HLF: variants seen among roughly 807,000 people sequenced by gnomAD.
HLF encodes the protein hepatic leukemia factor.
HLF carries 3 observed loss-of-function variants against 22.6 expected under a neutral mutation model. That is an observed-to-expected ratio of 0.13 (90% confidence interval 0.06 to 0.34). The LOEUF is 0.34. HLF is among the 10% of genes least tolerant of loss of function. HLF has a pLI of 1.00. For missense variants in HLF, 299 were observed against 389.2 expected, an observed-to-expected ratio of 0.77 and a Z score of 1.95; for synonymous variants, 151 against 151.8, an observed-to-expected ratio of 0.99 and a Z score of 0.04.
At chr17:55,270,897 C>T (rs374562782) in intron 2 of HLF, among the ~76,000 whole-genome samples, 1 of 152,170 alleles carries the variant, frequency 6.6e-6, no homozygotes, top group Non-Finnish European at 1.5e-5. Context: ...CCGCCTCGGC[C>T]TCCCAAAGTG....
chr17:55,297,173 C>T (rs2145342040), intron 2 of HLF, among the ~76,000 whole-genome samples: 1 of 152,192 alleles, frequency 6.6e-6, no homozygotes, highest in Non-Finnish European at 1.5e-5. Flanking sequence ...AACATTAATC[C>T]ATCTTTATTA....
intron 2 of HLF, among the ~76,000 whole-genome samples, chr17:55,312,761 C>T (rs1295059412): frequency 2.6e-5 from 4 of 152,106 alleles, no homozygotes; most frequent in Non-Finnish European, 4.4e-5. Context: ...TTACACATTC[C>T]TGTATTTGTT....
chr17:55,279,954 C>A (rs577855958), intron 2 of HLF, among the ~76,000 whole-genome samples: 4 of 152,290 alleles, frequency 2.6e-5, no homozygotes, highest in Admixed American at 6.5e-5. Flanking sequence ...GGCCAACCCG[C>A]AAAGGTGGTG....
At chr17:55,271,238 C>T (rs1211186841) in intron 2 of HLF, among the ~76,000 whole-genome samples, 1 of 152,084 alleles carries the variant, frequency 6.6e-6, no homozygotes, top group Non-Finnish European at 1.5e-5. Flanking sequence ...ATTGGGTTGC[C>T]AAGAAGAAAT....
chr17:55,314,948 A>C (rs1490064374), intron 2 of HLF, among the ~76,000 whole-genome samples: 1 of 152,206 alleles, frequency 6.6e-6, no homozygotes, highest in Non-Finnish European at 1.5e-5. Context: ...TCGCTGTGTG[A>C]TAGGAAAGAA....
chr17:55,273,828 T>G (rs1567811912), intron 2 of HLF, among the ~76,000 whole-genome samples: 1 of 151,762 alleles, frequency 6.6e-6, no homozygotes. Flanking sequence ...CAGCAAGCAA[T>G]TGTAATCCTG....
chr17:55,269,388 C>T (rs2080830890), intron 2 of HLF, among the ~76,000 whole-genome samples: 1 of 152,138 alleles, frequency 6.6e-6, no homozygotes, highest in Non-Finnish European at 1.5e-5. Context: ...TCCCCTGCTA[C>T]TTAGAATGTG....
intron 2 of HLF, among the ~76,000 whole-genome samples, chr17:55,293,660 A>G (rs1323091856): frequency 1.3e-5 from 2 of 152,216 alleles, no homozygotes; most frequent in Non-Finnish European, 2.9e-5. Context: ...TGAGGCCCAG[A>G]GAAAGTGAGC....
chr17:55,320,592 G>T lies in HLF; in HGVS notation c.673-72G>T. On this transcript the variant is annotated intron_variant, in intron 3 of 3. Coordinates refer to ENST00000226067, the MANE Select transcript of HLF (RefSeq NM_002126.5). This position sits in a 1 kb window ranked among gnomAD's most constrained non-coding sequence, Gnocchi z 4.2. The stretch of plus-strand genomic sequence containing the variant: ...CTGCACAATCCTGGAGCCTGCCCGT[G>T]CCCTGGCTGGCACTGGGCTTTGCTG... The T allele has an allele frequency of 7.2e-7, 1 of 1,395,822 alleles. No homozygotes were observed. The highest frequency in any genetic ancestry group is 1.0e-6 in the Non-Finnish European group (1 of 1,003,238). 86.5% of individuals were successfully genotyped at this position (1,395,822 alleles called of 1,614,324 possible).
At position 55,265,358 on chromosome 17, in the gene HLF, T is replaced by C. The variant is rs2080777412; in HGVS notation, c.-127T>C. The C allele has an allele frequency of 6.4e-6, 4 of 621,100 alleles. No individual in the cohort carries two copies. The highest frequency in any genetic ancestry group is 5.7e-5 in the South Asian group (3 of 52,336). 38.5% of individuals were successfully genotyped at this position (621,100 alleles called of 1,614,324 possible). On this transcript the variant is annotated 5_prime_UTR_variant, in exon 1 of 4. Transcript: ENST00000226067. ...AGATATAAGTAATTTTTTTCTTCCC[T>C]TTTCTCCACCGCCTTGAGAGCGAGT...
At position 55,268,029 on chromosome 17, in the gene HLF, G is replaced by A. The variant is rs1165973868; in HGVS notation, c.394G>A (p.Ala132Thr). Residue 132 changes from alanine (A) to threonine (T), a missense_variant, in exon 2 of 4, where the codon GCA (alanine) becomes ACA (threonine). By Grantham distance (58) the Ala-to-Thr change is moderately conservative (BLOSUM62 0). Coordinates refer to ENST00000226067, the MANE Select transcript of HLF (RefSeq NM_002126.5). ...CATGGACCTCAGCAGCCGGGCCTCT[G>A]CACCCCTTCACCCTGGCATCCCATC... ...SVMDLSSRASAPLHPGIPSPN... is the reference protein window; with the variant it reads ...SVMDLSSRASTPLHPGIPSPN... 2 of 1,608,482 alleles carry A rather than the reference G, an allele frequency of 1.2e-6. No homozygotes were observed. Among genetic ancestry groups the A allele is most frequent in the African/African-American group, 2.7e-5 (2 of 74,796 alleles).
chr17:55,315,131 T>C (rs1905012297), intron 2 of HLF, 96 bp from the exon 3 acceptor site: 5 of 858,026 alleles, frequency 5.8e-6, no homozygotes, highest in Non-Finnish European at 9.8e-6. Flanking sequence ...ATAAGTGAGC[T>C]GAAGACTCTT....
intron 2 of HLF, among the ~76,000 whole-genome samples, chr17:55,290,320 T>A (rs2081049134): frequency 6.6e-6 from 1 of 152,228 alleles, no homozygotes. Flanking sequence ...TATTAAAAAT[T>A]GAAGGTTTGT....
chr17:55,310,347 A>G (rs1404621437), intron 2 of HLF, among the ~76,000 whole-genome samples: 1 of 152,264 alleles, frequency 6.6e-6, no homozygotes, highest in Non-Finnish European at 1.5e-5. Flanking sequence ...CTTAACAAAT[A>G]CAGGAGAAAA....
intron 2 of HLF, among the ~76,000 whole-genome samples, chr17:55,298,971 T>C (rs1428381408): frequency 1.3e-5 from 2 of 152,232 alleles, no homozygotes; most frequent in Non-Finnish European, 2.9e-5. Flanking sequence ...CCTGCATGAC[T>C]GAAGACCAAA....
chr17:55,290,160 A>C (rs2081047170), intron 2 of HLF, among the ~76,000 whole-genome samples: 1 of 152,236 alleles, frequency 6.6e-6, no homozygotes, highest in South Asian at 2.1e-4. Flanking sequence ...CTCAAGAATT[A>C]AAGTGCTGTA....
At chr17:55,277,120 T>C (rs972842444) in intron 2 of HLF, among the ~76,000 whole-genome samples, 1 of 152,178 alleles carries the variant, frequency 6.6e-6, no homozygotes, top group Non-Finnish European at 1.5e-5. Flanking sequence ...CCTGGTCTCA[T>C]AGGAGTAGAA....
chr17:55,304,455 G>A (rs1213860629), intron 2 of HLF, among the ~76,000 whole-genome samples: 16 of 152,194 alleles, frequency 1.1e-4, no homozygotes, highest in East Asian at 1.9e-4. Flanking sequence ...TATGAGTTCC[G>A]CTGGTCTCAC....
At chr17:55,266,784 C>T (rs779675514) in intron 1 of HLF, 10 of 983,372 alleles carry the variant, frequency 1.0e-5, no homozygotes, top group Non-Finnish European at 1.2e-5. Flanking sequence ...AGATTCCACC[C>T]ACGACTGAAT....
Sources: allele counts gnomAD v4.1 joint callset (sites outside exome capture counted in the v4.1 genomes callset), GRCh38; gene constraint gnomAD v4.1.1; non-coding constraint Gnocchi (gnomAD v3.1); transcripts MANE v1.5; gene names NCBI Gene and HGNC (gene_info 2026-07-23, HGNC 2026-07-21).